ZNF875: variants seen among roughly 807,000 people sequenced by gnomAD.
ZNF875 encodes HKR1, GLI-Kruppel zinc finger family member.
A neutral mutation model predicts 11.2 loss-of-function variants in ZNF875; 14 were observed. The observed-to-expected ratio is 1.26, with a 90% CI of 0.83 to 1.96. The LOEUF (loss-of-function observed/expected upper bound fraction) is 1.96, where lower values mean the gene tolerates loss of function less well. ZNF875 is among the 30% of genes most tolerant of loss of function. ZNF875 has a pLI of 0.00. For missense variants in ZNF875, 752 were observed against 760.4 expected (o/e 0.99, Z 0.13); for synonymous variants, 301 against 281.1 (o/e 1.07, Z -0.71).
intron 1 of ZNF875, among the ~76,000 whole-genome samples, chr19:37,321,159 C>T (rs1245968143): frequency 6.6e-6 from 1 of 152,164 alleles, no homozygotes; most frequent in South Asian, 2.1e-4. Context: ...TGGAATATGG[C>T]CCCGTGGGAA....
intron 2 of ZNF875, among the ~76,000 whole-genome samples, chr19:37,341,757 C>G (rs2035770466): frequency 6.6e-6 from 1 of 152,166 alleles, no homozygotes; most frequent in African/African-American, 2.4e-5. Flanking sequence ...TTATGTGTAA[C>G]AGTCTGGATG....
At position 37,363,370 on chromosome 19, in the gene ZNF875, T is replaced by G; in HGVS notation, c.1518T>G (p.Phe506Leu). 1 of 1,612,966 alleles carries G rather than the reference T, an allele frequency of 6.2e-7. No homozygotes were observed. The highest frequency in any genetic ancestry group is 8.5e-7 in the Non-Finnish European group (1 of 1,179,288). ...HQRTHSGEKP[F>L]VCAECGRGFN... ...GGACACACTCAGGGGAGAAGCCATT[T>G]GTATGTGCTGAGTGTGGACGAGGCT... Residue 506 changes from phenylalanine to leucine, a missense_variant, in exon 5 of 5, where the codon TTT (phenylalanine) becomes TTG (leucine). By Grantham distance (22) the Phe-to-Leu change is conservative (BLOSUM62 0). Coordinates refer to ENST00000392153, the MANE Select transcript of ZNF875 (RefSeq NM_001353803.2).
Position 37,362,857 on chromosome 19 carries a change from C to G in ZNF875, c.1005C>G (p.Leu335=), listed in dbSNP as rs1319716585. The G allele has an allele frequency of 6.2e-7, 1 of 1,612,790 alleles. No individual in the cohort carries two copies. Among genetic ancestry groups the G allele is most frequent in the Non-Finnish European group, 8.5e-7 (1 of 1,179,634 alleles). The change falls in exon 5 of 5, where the codon CTC becomes CTG. Residue 335 remains leucine (L), a synonymous_variant. Coordinates refer to ENST00000392153, the MANE Select transcript of ZNF875 (RefSeq NM_001353803.2). Reference sequence around the variant, plus strand: ...CACATCAGCGGACACACTCAGGGCTCAAGCCTTATGTGTGCAAGGAATGTG... The same window carrying G: ...CACATCAGCGGACACACTCAGGGCTGAAGCCTTATGTGTGCAAGGAATGTG... ...LFTHQRTHSG[L]KPYVCKECGQ...
chr19:37,331,060 G>T (rs1384846361), upstream of ZNF875, among the ~76,000 whole-genome samples: 1 of 151,606 alleles, frequency 6.6e-6, no homozygotes, highest in Non-Finnish European at 1.5e-5. Flanking sequence ...GGTGGCAGGC[G>T]CCTGTAGTCC....
At chr19:37,331,186 C>CA (rs71177440), upstream of ZNF875, among the ~76,000 whole-genome samples, 34,932 of 74,798 alleles carry the variant, frequency 0.47, 8,236 homozygotes, top group South Asian at 0.57. Context: ...GACTCTGTCT[C>CA]AAAAAAAAAA....
At chr19:37,322,311 T>C (rs2031630782) in intron 2 of ZNF875, 1 of 152,242 alleles carries the variant, frequency 6.6e-6, no homozygotes, top group Non-Finnish European at 1.5e-5. Context: ...CCATTTTGCA[T>C]TTTCTTTGGA....
chr19:37,329,621 G>C (rs1303945868), intron 4 of ZNF875, among the ~76,000 whole-genome samples: 5 of 152,172 alleles, frequency 3.3e-5, no homozygotes, highest in South Asian at 2.1e-4. Context: ...TTACGTATCT[G>C]TGGTGTCTAG....
chr19:37,355,873 C>G (rs985112958), intron 4 of ZNF875, among the ~76,000 whole-genome samples: 2 of 152,122 alleles, frequency 1.3e-5, no homozygotes, highest in African/African-American at 4.8e-5. Flanking sequence ...TCTATTGAAC[C>G]TATCACCCAA....
At chr19:37,344,707 C>A in intron 2 of ZNF875, 1 of 1,613,904 alleles carries the variant, frequency 6.2e-7, no homozygotes. Context: ...CACACAGTGT[C>A]TACAATGCTC....
intron 4 of ZNF875, among the ~76,000 whole-genome samples, chr19:37,353,203 C>G (rs575646326): frequency 2.0e-5 from 3 of 152,256 alleles, no homozygotes; most frequent in Admixed American, 6.5e-5. Flanking sequence ...TAATTTCTCT[C>G]AGCTATCTAG....
In ZNF875 at chr19:37,347,807, C is replaced by G; in HGVS notation, c.191C>G (p.Ala64Gly). Residue 64 changes from alanine to glycine, a missense_variant, in exon 4 of 5, where the codon GCT becomes GGT. Transcript: ENST00000392153. ...CCATCTTCTAAACCAAAACTCATTG[C>G]TCAGCTGGAGCGAGGGGAAGCGCCC... Reference protein sequence around the residue: ...EIPSSKPKLIAQLERGEAPWR... With the variant: ...EIPSSKPKLIGQLERGEAPWR... The G allele has an allele frequency of 6.2e-7, 1 of 1,613,290 alleles. No homozygotes were observed. Among genetic ancestry groups the G allele is most frequent in the Non-Finnish European group, 8.5e-7 (1 of 1,179,270 alleles).
chr19:37,342,253 C>T (rs1177224508), intron 2 of ZNF875, among the ~76,000 whole-genome samples: 1 of 152,120 alleles, frequency 6.6e-6, no homozygotes, highest in African/African-American at 2.4e-5. Flanking sequence ...CATGTGCTGG[C>T]TGGAGAGACT....
chr19:37,325,634 C>T (rs966809565), intron 4 of ZNF875, among the ~76,000 whole-genome samples: 1 of 151,604 alleles, frequency 6.6e-6, no homozygotes, highest in Non-Finnish European at 1.5e-5. Context: ...CAGTCTCAAA[C>T]TCCTGGGCTC....
chr19:37,326,722 C>T (rs2032521928), intron 4 of ZNF875, among the ~76,000 whole-genome samples: 1 of 121,946 alleles, frequency 8.2e-6, no homozygotes, highest in Admixed American at 1.1e-4. Flanking sequence ...GACTGGAGTG[C>T]AGTGGCGTGA....
At chr19:37,347,471 G>A in intron 3 of ZNF875, 155 bp downstream of exon 3, 1 of 687,696 alleles carries the variant, frequency 1.5e-6, no homozygotes, top group Non-Finnish European at 2.4e-6. Context: ...TAGTAGAATT[G>A]AAAGCAGACA....
intron 4 of ZNF875, 63 bp from the exon 5 acceptor site, chr19:37,362,046 C>A (rs1472863145): frequency 2.9e-6 from 3 of 1,048,696 alleles, no homozygotes; most frequent in Admixed American, 4.5e-5. Context: ...GACCAGTGGG[C>A]AAGGCAAAAT....
At chr19:37,332,948 C>T (rs952312886), upstream of ZNF875, among the ~76,000 whole-genome samples, 1 of 152,192 alleles carries the variant, frequency 6.6e-6, no homozygotes, top group Non-Finnish European at 1.5e-5. Flanking sequence ...GTACTTGGCA[C>T]ACAGCACTGA....
chr19:37,360,823 T>C lies in ZNF875; in HGVS notation c.257-1286T>C, dbSNP rs893325474. Among the ~76,000 whole-genome samples the C allele has an allele frequency of 3.9e-5, 6 of 152,166 alleles. 1 individual carries two copies. Among genetic ancestry groups the C allele is most frequent in the South Asian group, 4.1e-4 (2 of 4,830 alleles). ...AATTTTCAGTTTACAAACTTTGTGCTACTTTGTCACATTTATTCCTTAGCA... is the reference window on the plus strand; with the variant it reads ...AATTTTCAGTTTACAAACTTTGTGCCACTTTGTCACATTTATTCCTTAGCA... On this transcript the variant is annotated intron_variant, in intron 4 of 4. Coordinates refer to ENST00000392153, the MANE Select transcript of ZNF875 (RefSeq NM_001353803.2).
At chr19:37,356,706 C>G (rs946701564) in intron 4 of ZNF875, among the ~76,000 whole-genome samples, 2 of 152,026 alleles carry the variant, frequency 1.3e-5, no homozygotes, top group African/African-American at 4.8e-5. Context: ...GTTTAAGTTC[C>G]TTATGTTTCT....
Sources: allele counts gnomAD v4.1 joint callset (sites outside exome capture counted in the v4.1 genomes callset), GRCh38; gene constraint gnomAD v4.1.1; transcripts MANE v1.5; gene names NCBI Gene and HGNC (gene_info 2026-07-23, HGNC 2026-07-21).